Variants in SLC1A1 observed in about 807,000 individuals in gnomAD.
SLC1A1 encodes the protein solute carrier family 1 member 1, also known as excitatory amino acid transporter 3.
A neutral mutation model predicts 53.3 loss-of-function variants in SLC1A1; 43 were observed. The observed-to-expected ratio is 0.81, with a 90% confidence interval of 0.63 to 1.04. SLC1A1 has a LOEUF of 1.04. Among genes scored for constraint, SLC1A1 ranks in the 50% least tolerant of loss-of-function variants. SLC1A1 has a pLI of 0.00. For synonymous variants in SLC1A1, 307 were observed against 243.2 expected, an observed-to-expected ratio of 1.26 and a Z score of -2.44; for missense variants, 748 against 664.9, an observed-to-expected ratio of 1.12 and a Z score of -1.37.
chr9:4,521,486 G>A (rs923958602), intron 1 of SLC1A1, among the ~76,000 whole-genome samples: 2 of 152,190 alleles, frequency 1.3e-5, no homozygotes, highest in African/African-American at 2.4e-5. Context: ...GAGGAAGCTT[G>A]TGGGTTTATC....
chr9:4,571,593 C>T (rs1197772111), intron 6 of SLC1A1, among the ~76,000 whole-genome samples: 2 of 152,142 alleles, frequency 1.3e-5, no homozygotes, highest in Admixed American at 1.3e-4. Flanking sequence ...AGGAGAATTG[C>T]TTGAACCCGG....
chr9:4,531,684 T>C (rs1179425898), intron 1 of SLC1A1, among the ~76,000 whole-genome samples: 3 of 152,160 alleles, frequency 2.0e-5, no homozygotes, highest in Admixed American at 2.0e-4. Flanking sequence ...TAAATGTCTC[T>C]GTCTGACAGC....
At chr9:4,579,893 T>C (rs1820895226) in intron 10 of SLC1A1, among the ~76,000 whole-genome samples, 1 of 151,722 alleles carries the variant, frequency 6.6e-6, no homozygotes, top group African/African-American at 2.4e-5. Flanking sequence ...AGAATATGTG[T>C]CAAAATGGAA....
chr9:4,501,815 A>AAC (rs1820641396), intron 1 of SLC1A1, among the ~76,000 whole-genome samples: 1 of 151,634 alleles, frequency 6.6e-6, no homozygotes, highest in Admixed American at 6.6e-5. Context: ...CACTTACTCA[A>AAC]CCAAGGGGGA....
chr9:4,565,948 GTAC>G, intron 4 of SLC1A1, 96 bp from the exon 5 acceptor site: 1 of 915,498 alleles, frequency 1.1e-6, no homozygotes, highest in Non-Finnish European at 1.8e-6. Flanking sequence ...AGAAACCAGA[GTAC>G]TAGTTTTATG....
chr9:4,557,396 C>T (rs1023115898), intron 2 of SLC1A1, among the ~76,000 whole-genome samples: 4 of 152,174 alleles, frequency 2.6e-5, no homozygotes, highest in Non-Finnish European at 5.9e-5. Context: ...TCGACATTGT[C>T]GAGCACCCAC....
intron 6 of SLC1A1, among the ~76,000 whole-genome samples, chr9:4,570,298 T>G (rs1345050002): frequency 2.6e-5 from 4 of 152,182 alleles, no homozygotes; most frequent in Non-Finnish European, 5.9e-5. Context: ...GCCAGTGCAG[T>G]AATACTCTAG....
At chr9:4,547,780 T>C (rs955966391) in intron 2 of SLC1A1, among the ~76,000 whole-genome samples, 10 of 152,138 alleles carry the variant, frequency 6.6e-5, no homozygotes, top group African/African-American at 2.2e-4. Context: ...TTATATTGTA[T>C]ACATATGTAT....
At chr9:4,520,297 G>A (rs1816023113) in intron 1 of SLC1A1, among the ~76,000 whole-genome samples, 1 of 152,050 alleles carries the variant, frequency 6.6e-6, no homozygotes, top group African/African-American at 2.4e-5. Flanking sequence ...GATGATTAAA[G>A]GAAAAAGAAA....
chr9:4,504,705 G>T (rs570433035), intron 1 of SLC1A1, among the ~76,000 whole-genome samples: 1 of 152,096 alleles, frequency 6.6e-6, no homozygotes, highest in Non-Finnish European at 1.5e-5. Flanking sequence ...AAAGATTTTT[G>T]ATTGTGTTAT....
chr9:4,521,101 T>A (rs1012468178), intron 1 of SLC1A1, among the ~76,000 whole-genome samples: 1 of 152,236 alleles, frequency 6.6e-6, no homozygotes, highest in East Asian at 1.9e-4. Context: ...AAATATTTTG[T>A]CTATTTTTAA....
At chr9:4,562,974 G>C (rs557302907) in intron 3 of SLC1A1, among the ~76,000 whole-genome samples, 1 of 124,494 alleles carries the variant, frequency 8.0e-6, no homozygotes, top group South Asian at 3.2e-4. Context: ...GTTGTGGGGT[G>C]GGGGGAGGGG....
intron 2 of SLC1A1, 25 bp downstream of exon 2, chr9:4,544,732 C>G (rs758122759): frequency 6.3e-7 from 1 of 1,585,566 alleles, no homozygotes; most frequent in Non-Finnish European, 8.7e-7. Flanking sequence ...CAGATGTTCT[C>G]TATATTAGTC....
intron 1 of SLC1A1, among the ~76,000 whole-genome samples, chr9:4,543,313 T>C (rs560499921): frequency 4.5e-4 from 69 of 152,304 alleles, no homozygotes; most frequent in African/African-American, 1.6e-3. Context: ...CCAAATATCA[T>C]GACATCCAAC....
intron 1 of SLC1A1, among the ~76,000 whole-genome samples, chr9:4,514,477 AC>A (rs766963825): frequency 6.6e-6 from 1 of 152,192 alleles, no homozygotes; most frequent in Non-Finnish European, 1.5e-5. Flanking sequence ...TTGGGGACGC[AC>A]ATGTCACATG....
rs148123052 is a variant in SLC1A1, at chr9:4,553,002, A to G, written c.232+8295A>G. On this transcript the variant is annotated intron_variant, in intron 2 of 11. Transcript: ENST00000262352. ...GCTCTGCCATCAGTTTGTAAAGTTC[A>G]CCAGCATGTAAGAAGCTTTTGCCTA... Among the ~76,000 whole-genome samples the G allele has an allele frequency of 7.0e-3, 1,060 of 152,196 alleles. 10 individuals carry two copies. The highest frequency in any genetic ancestry group is 0.024 in the African/African-American group (996 of 41,508).
In SLC1A1 at chr9:4,586,865, G is replaced by C. The variant is rs1434499808; in HGVS notation, c.*1307G>C. On this transcript the variant is annotated 3_prime_UTR_variant, in exon 12 of 12. Coordinates refer to ENST00000262352, the MANE Select transcript of SLC1A1 (RefSeq NM_004170.6). ...TCTTGTCTCCTCCTCCAGGAGGACT[G>C]TTCTAACTAGTAATCTTGGCCCTAT... The C allele has an allele frequency of 1.3e-5, 2 of 152,286 alleles. No homozygotes were observed. Among genetic ancestry groups the C allele is most frequent in the Non-Finnish European group, 2.9e-5 (2 of 68,026 alleles). 9.4% of individuals were successfully genotyped at this position (152,286 alleles called of 1,614,324 possible). A position where few individuals can be genotyped will look rare whatever the true frequency, so the allele number is the denominator to read the frequency against.
intron 5 of SLC1A1, among the ~76,000 whole-genome samples, chr9:4,566,687 AG>A (rs1819516236): frequency 6.6e-6 from 1 of 152,078 alleles, no homozygotes; most frequent in Admixed American, 6.5e-5. Context: ...GTCTCTAAAA[AG>A]AAATAATTTA....
chr9:4,545,352 T>C (rs1817399707), intron 2 of SLC1A1, among the ~76,000 whole-genome samples: 1 of 152,176 alleles, frequency 6.6e-6, no homozygotes, highest in Admixed American at 6.5e-5. Context: ...TTGACCAGCA[T>C]GTGATGTCTT....
Sources: allele counts gnomAD v4.1 joint callset (sites outside exome capture counted in the v4.1 genomes callset), GRCh38; gene constraint gnomAD v4.1.1; transcripts MANE v1.5; gene names NCBI Gene and HGNC (gene_info 2026-07-23, HGNC 2026-07-21).